MAGT1: variants seen among roughly 807,000 people sequenced by gnomAD.
MAGT1 encodes the protein magnesium transporter 1.
MAGT1 carries 4 observed loss-of-function variants against 28.4 expected under a neutral mutation model. The observed-to-expected ratio is 0.14, with a 90% CI of 0.07 to 0.32. The LOEUF (loss-of-function observed/expected upper bound fraction) is 0.32. MAGT1 is among the 10% of genes least tolerant of loss of function. MAGT1 has a pLI of 1.00. For missense variants in MAGT1, 193 were observed against 264.5 expected (o/e 0.73, Z 1.88); for synonymous variants, 89 against 89.7 (o/e 0.99, Z 0.04).
intron 1 of MAGT1, among the ~76,000 whole-genome samples, chrX:77,878,062 G>T (rs1457271552): frequency 1.9e-5 from 2 of 103,562 alleles, no homozygotes; most frequent in Non-Finnish European, 3.9e-5. Flanking sequence ...CGGGTGGATC[G>T]CTTGAGGTCA....
At chrX:77,832,316 C>T (rs1299367340) in intron 8 of MAGT1, among the ~76,000 whole-genome samples, 2 of 110,461 alleles carry the variant, frequency 1.8e-5, no homozygotes, top group Non-Finnish European at 3.8e-5. Context: ...CAGGGGTGTC[C>T]AATCTTTTGG....
chrX:77,866,892 C>T (rs926595775), intron 3 of MAGT1, among the ~76,000 whole-genome samples: 2 of 65,705 alleles, frequency 3.0e-5, no homozygotes, highest in African/African-American at 7.1e-5. Flanking sequence ...CAGCTGACAC[C>T]ACCCAGATCA....
At chrX:77,860,384 G>A (rs912749390) in intron 3 of MAGT1, among the ~76,000 whole-genome samples, 45 of 111,060 alleles carry the variant, frequency 4.1e-4, no homozygotes, top group African/African-American at 1.4e-3. Flanking sequence ...CACCATGCCC[G>A]GCCTGAAAAC....
At chrX:77,892,664 G>C (rs1481721120) in intron 1 of MAGT1, among the ~76,000 whole-genome samples, 2 of 110,593 alleles carry the variant, frequency 1.8e-5, no homozygotes, top group Non-Finnish European at 3.8e-5. Flanking sequence ...AGGCATGGTG[G>C]CACATGCCTG....
intron 8 of MAGT1, among the ~76,000 whole-genome samples, chrX:77,835,607 T>C (rs975467876): frequency 1.8e-5 from 2 of 111,326 alleles, no homozygotes; most frequent in African/African-American, 6.5e-5. Flanking sequence ...CACAGAAAAA[T>C]AAATCAGTAT....
At chrX:77,887,433 G>C (rs782243076) in intron 1 of MAGT1, among the ~76,000 whole-genome samples, 91 of 111,590 alleles carry the variant, frequency 8.2e-4, no homozygotes, top group Non-Finnish European at 1.5e-3. Flanking sequence ...AAGCTTTCTT[G>C]ATCAGGGTAA....
At chrX:77,861,622 C>T (rs1401589612) in intron 3 of MAGT1, among the ~76,000 whole-genome samples, 1 of 112,405 alleles carries the variant, frequency 8.9e-6, no homozygotes, top group Non-Finnish European at 1.9e-5. Flanking sequence ...CAGTATTATT[C>T]ACAATAGCCA....
At position 77,857,510 on chromosome X, in the gene MAGT1, G is replaced by A. The variant is rs1557216116; in HGVS notation, c.391-13C>T. On this transcript the variant is annotated splice_polypyrimidine_tract_variant and intron_variant, in intron 3 of 9. Coordinates refer to ENST00000618282, the MANE Select transcript of MAGT1 (RefSeq NM_001367916.1). ...AATTCATGTTTAGCTGAATAAAAAC[G>A]AGCCATGAAAATATACATTATCAGG... is the stretch of plus-strand genomic sequence containing the variant. 37 of 1,208,627 alleles carry A rather than the reference G, an allele frequency of 3.1e-5. No homozygotes were observed. The highest frequency in any genetic ancestry group is 2.3e-4 in the Middle Eastern group (1 of 4,340).
At chrX:77,886,603 T>C (rs2077068780) in intron 1 of MAGT1, among the ~76,000 whole-genome samples, 3 of 111,043 alleles carry the variant, frequency 2.7e-5, no homozygotes, top group African/African-American at 9.8e-5. Flanking sequence ...TGATTGCACC[T>C]GGTGATAGCC....
intron 7 of MAGT1, among the ~76,000 whole-genome samples, chrX:77,841,590 T>C (rs1442656667): frequency 9.0e-6 from 1 of 111,504 alleles, no homozygotes; most frequent in African/African-American, 3.3e-5. Flanking sequence ...AGATGAAATA[T>C]GAGTTTTCCC....
chrX:77,879,594 T>A (rs2077045243), intron 1 of MAGT1, among the ~76,000 whole-genome samples: 1 of 111,262 alleles, frequency 9.0e-6, no homozygotes, highest in African/African-American at 3.3e-5. Context: ...TGACGTTTGA[T>A]TCCTTTTCTA....
chrX:77,830,277 A>G (rs979215762), intron 9 of MAGT1, among the ~76,000 whole-genome samples: 3 of 112,252 alleles, frequency 2.7e-5, no homozygotes, highest in Non-Finnish European at 3.8e-5. Flanking sequence ...AGCTATGAAC[A>G]CGCCATTACA....
intron 1 of MAGT1, among the ~76,000 whole-genome samples, chrX:77,891,917 A>C (rs1557219513): frequency 1.8e-5 from 2 of 111,816 alleles, no homozygotes; most frequent in East Asian, 5.6e-4. Flanking sequence ...TATTTAGGGG[A>C]GGTATCTTTT....
At chrX:77,859,944 G>A (rs1557216331) in intron 3 of MAGT1, among the ~76,000 whole-genome samples, 1 of 111,782 alleles carries the variant, frequency 8.9e-6, no homozygotes, top group African/African-American at 3.2e-5. Context: ...TAACAATGCA[G>A]TAATGTATCC....
intron 1 of MAGT1, among the ~76,000 whole-genome samples, chrX:77,882,300 C>A (rs1276144418): frequency 9.0e-6 from 1 of 111,265 alleles, no homozygotes; most frequent in Non-Finnish European, 1.9e-5. Flanking sequence ...CTGGCCAGGG[C>A]AATCAGGCAG....
chrX:77,847,309 C>T (rs914156381), intron 7 of MAGT1, among the ~76,000 whole-genome samples: 2 of 112,405 alleles, frequency 1.8e-5, no homozygotes, highest in Non-Finnish European at 3.8e-5. Context: ...GGGAGTGACC[C>T]GATTTTCCAG....
chrX:77,860,051 A>G (rs1373700557), intron 3 of MAGT1, among the ~76,000 whole-genome samples: 3 of 111,910 alleles, frequency 2.7e-5, no homozygotes, highest in Non-Finnish European at 5.6e-5. Flanking sequence ...TTACTAATAA[A>G]ACATCTTTAA....
chrX:77,893,092 C>A (rs782057332), intron 1 of MAGT1, among the ~76,000 whole-genome samples: 3 of 111,681 alleles, frequency 2.7e-5, no homozygotes, highest in African/African-American at 9.7e-5. Context: ...GTAGAGGCTG[C>A]AGTGAGTCAT....
chrX:77,847,148 C>A (rs193092050), intron 7 of MAGT1, among the ~76,000 whole-genome samples: 1 of 112,491 alleles, frequency 8.9e-6, no homozygotes, highest in African/African-American at 3.2e-5. Flanking sequence ...GCCCCTCCCC[C>A]AGCCTCGCTG....
Sources: gnomAD v4.1 joint callset for allele counts (sites outside exome capture counted in the v4.1 genomes callset) on GRCh38, gnomAD v4.1.1 for gene constraint, MANE v1.5 for transcripts, NCBI Gene and HGNC (gene_info 2026-07-23, HGNC 2026-07-21) for gene names.